The following PPOX variants were observed in gnomAD, a reference collection of about 807,000 sequenced individuals.
The protein encoded by PPOX is variegate porphyria.
In PPOX, 23 loss-of-function variants were observed where a neutral mutation model predicts 54.1. That is an observed-to-expected ratio of 0.43 (90% CI 0.31 to 0.60). The LOEUF (loss-of-function observed/expected upper bound fraction) is 0.60, where lower values mean the gene tolerates loss of function less well. Ranked by LOEUF, PPOX falls within the 20% of genes least tolerant of loss-of-function variation. The pLI is 0.13. For missense variants in PPOX, 512 were observed against 601.1 expected, an observed-to-expected ratio of 0.85 and a Z score of 1.55; for synonymous variants, 224 against 236.1, an observed-to-expected ratio of 0.95 and a Z score of 0.47.
Position 161,168,461 on chromosome 1 carries a change from C to T in PPOX, c.501C>T (p.Cys167=). ...EVASLAMDSL[C]RGVFAGNSRE... is the part of the protein sequence containing the mutation. ...CGTCTCTAGCCATGGACAGTCTCTG[C>T]CGTGGAGTGTTTGCAGGCAACAGCC... Residue 167 remains cysteine (C), a synonymous_variant, in exon 6 of 13, where the codon TGC becomes TGT. Coordinates refer to ENST00000367999, the MANE Select transcript of PPOX (RefSeq NM_001122764.3). 6.2e-7 allele frequency: 1 copy of T among 1,614,126 alleles called. No individual in the cohort carries two copies. Among genetic ancestry groups the T allele is most frequent in the Non-Finnish European group, 8.5e-7 (1 of 1,180,022 alleles).
In PPOX at chr1:161,170,709, A is replaced by G. The variant is rs2101901881; in HGVS notation, c.1188A>G (p.Ala396=). 6.2e-7 allele frequency: 1 copy of G among 1,614,162 alleles called. No homozygotes were observed. The highest frequency in any genetic ancestry group is 2.2e-5 in the East Asian group (1 of 44,860). ...TGTTTCAACAGCGGGCCCAGGAAGC[A>G]GCTGCTACACAATTAGGACTGAAGG... ...QELFQQRAQE[A]AATQLGLKEM... is the part of the protein sequence containing the mutation. The change falls in exon 11 of 13, where the codon GCA becomes GCG. Residue 396 remains alanine, a synonymous_variant. Coordinates refer to ENST00000367999, the MANE Select transcript of PPOX (RefSeq NM_001122764.3).
chr1:161,166,697 A>G (rs1659038239), intron 1 of PPOX, 25 bp downstream of exon 1: 5 of 1,523,934 alleles, frequency 3.3e-6, no homozygotes, highest in Non-Finnish European at 4.4e-6. Flanking sequence ...CTGGACGGGG[A>G]CCTCGCTGTT....
At position 161,166,894 on chromosome 1, in the gene PPOX, C is replaced by A. The variant is rs762869632; in HGVS notation, c.47C>A (p.Ala16Asp). ...CTGGGCGGAGGCATCAGCGGCTTGG[C>A]CGCCAGTTACCACCTGAGCCGGGCC... Reference protein sequence around the residue: ...VVLGGGISGLAASYHLSRAPC... With the variant: ...VVLGGGISGLDASYHLSRAPC... The change falls in exon 2 of 13, where the codon GCC (alanine) becomes GAC (aspartate). Residue 16 changes from alanine (A) to aspartate (D), a missense_variant. Coordinates refer to ENST00000367999, the MANE Select transcript of PPOX (RefSeq NM_001122764.3). The A allele has an allele frequency of 2.5e-6, 4 of 1,613,580 alleles. No homozygotes were observed. The East Asian group carries it at 6.7e-5, about 27-fold the overall frequency.
At chr1:161,167,901 C>G in intron 4 of PPOX, 94 bp from the exon 5 acceptor site, 1 of 1,591,750 alleles carries the variant, frequency 6.3e-7, no homozygotes. Flanking sequence ...GCCTTCCCAG[C>G]AAAAGGAAGC....
intron 9 of PPOX, 153 bp downstream of exon 9, chr1:161,170,177 T>C (rs1047590651): frequency 1.9e-6 from 2 of 1,027,130 alleles, no homozygotes; most frequent in Non-Finnish European, 2.9e-6. Flanking sequence ...ATACAAAAAT[T>C]AGCCAGGTGT....
At chr1:161,168,906 C>T in intron 6 of PPOX, 87 bp from the exon 7 acceptor site, 1 of 1,491,740 alleles carries the variant, frequency 6.7e-7, no homozygotes, top group Non-Finnish European at 9.2e-7. Context: ...TCAAGTGATC[C>T]ACCCGCCTCG....
intron 4 of PPOX, chr1:161,176,335 ACCC>A: frequency 1.8e-6 from 1 of 544,006 alleles, no homozygotes; most frequent in South Asian, 2.3e-5. Context: ...GTCAGTCCTC[ACCC>A]CCAAAAATGT....
chr1:161,170,876 C>T, intron 11 of PPOX, 31 bp from the exon 12 acceptor site: 1 of 1,614,054 alleles, frequency 6.2e-7, no homozygotes, highest in Admixed American at 1.7e-5. Context: ...CAATAATAAA[C>T]TTTTCCCTGC....
chr1:161,174,260 A>G (rs188656837), downstream of PPOX, among the ~76,000 whole-genome samples: 4 of 152,276 alleles, frequency 2.6e-5, no homozygotes, highest in East Asian at 7.7e-4. Flanking sequence ...ACAAAAAATT[A>G]GCTGGGCATG....
Position 161,169,000 on chromosome 1 carries a change from C to T in PPOX, c.624C>T (p.Thr208=). The T allele has an allele frequency of 6.2e-7, 1 of 1,614,006 alleles. No homozygotes were observed. The highest frequency in any genetic ancestry group is 8.5e-7 in the Non-Finnish European group (1 of 1,180,028). The change falls in exon 7 of 13, where the codon ACC becomes ACT. Residue 208 remains threonine (T), a synonymous_variant. Coordinates refer to ENST00000367999, the MANE Select transcript of PPOX (RefSeq NM_001122764.3). ...TCTTTGCTTCCTCTGCAGGGCGGAC[C>T]CCACAGCCAGACTCAGCACTCATTC... ...LLGLLLGAGR[T]PQPDSALIRQ...
downstream of PPOX, chr1:161,177,337 C>T (rs1664005999): frequency 2.6e-5 from 13 of 495,634 alleles, no homozygotes; most frequent in African/African-American, 3.9e-5. Context: ...GGCTCGTCTC[C>T]AGGCGTTACC....
chr1:161,174,402 CAAAA>C (rs554703903), downstream of PPOX, among the ~76,000 whole-genome samples: 2 of 55,786 alleles, frequency 3.6e-5, no homozygotes, highest in Admixed American at 3.9e-4. Context: ...AGTGAGATCT[CAAAA>C]AAAAAAAAAA....
At chr1:161,173,996 C>A (rs1662478726), downstream of PPOX, 1 of 1,614,032 alleles carries the variant, frequency 6.2e-7, no homozygotes, top group Admixed American at 1.7e-5. Context: ...CACGCAGGGC[C>A]TCTCGCACCC....
chr1:161,175,762 C>A (rs539994285), downstream of PPOX: 6 of 1,602,408 alleles, frequency 3.7e-6, no homozygotes, highest in Non-Finnish European at 4.3e-6. Context: ...CTCCCTGTCT[C>A]CGCACCTTGT....
At chr1:161,173,830 G>A (rs1662418271), downstream of PPOX, 1 of 1,610,176 alleles carries the variant, frequency 6.2e-7, no homozygotes, top group African/African-American at 1.3e-5. Flanking sequence ...AGGCTTCCCT[G>A]TTTCCCAGTA....
rs1001703993 is a variant in PPOX at position 161,170,696 on chromosome 1, G to T, written c.1175G>T (p.Arg392Leu). Residue 392 changes from arginine (R) to leucine (L), a missense_variant, in exon 11 of 13, where the codon CGG becomes CTG. Arg to Leu is a moderately radical substitution (Grantham distance 102). Coordinates refer to ENST00000367999, the MANE Select transcript of PPOX (RefSeq NM_001122764.3). ...CVLSQELFQQ[R>L]AQEAAATQLG... Reference sequence around the variant, plus strand: ...TTATCTCAGGAGCTGTTTCAACAGCGGGCCCAGGAAGCAGCTGCTACACAA... The same window carrying T: ...TTATCTCAGGAGCTGTTTCAACAGCTGGCCCAGGAAGCAGCTGCTACACAA... The T allele has an allele frequency of 6.2e-7, 1 of 1,614,132 alleles. No homozygotes were observed. Among genetic ancestry groups the T allele is most frequent in the Non-Finnish European group, 8.5e-7 (1 of 1,180,030 alleles).
chr1:161,172,189 C>G, downstream of PPOX: 1 of 1,611,938 alleles, frequency 6.2e-7, no homozygotes, highest in East Asian at 2.2e-5. Flanking sequence ...CCCTGAGGAT[C>G]CAGTAACAAT....
At chr1:161,169,519 C>G in intron 7 of PPOX, 141 bp from the exon 8 acceptor site, 1 of 890,116 alleles carries the variant, frequency 1.1e-6, no homozygotes, top group South Asian at 1.4e-5. Flanking sequence ...TACATAGTCA[C>G]CCAATCTCTT....
In PPOX at chr1:161,171,137, G is replaced by A. The variant is rs1414721877; in HGVS notation, c.1395G>A (p.Gln465=). ...AVNDCIESGR[Q]AAVSVLGTEP... ...ATGACTGTATAGAGAGTGGGCGCCAGGCAGCAGTCAGTGTCCTGGGCACAG... is the reference window on the plus strand; with the variant it reads ...ATGACTGTATAGAGAGTGGGCGCCAAGCAGCAGTCAGTGTCCTGGGCACAG... The change falls in exon 13 of 13, where the codon CAG becomes CAA. Residue 465 remains glutamine (Q), a synonymous_variant. Transcript: ENST00000367999. The A allele has an allele frequency of 1.9e-6, 3 of 1,613,718 alleles. No individual in the cohort carries two copies. In the South Asian group the frequency reaches 3.3e-5, roughly 18 times the overall value.
Sources: allele counts gnomAD v4.1 joint callset (sites outside exome capture counted in the v4.1 genomes callset), GRCh38; gene constraint gnomAD v4.1.1; transcripts MANE v1.5; gene names NCBI Gene and HGNC (gene_info 2026-07-23, HGNC 2026-07-21).